Variants in ZNF578 observed in about 807,000 individuals in gnomAD.
ZNF578 encodes zinc finger protein 578.
In ZNF578, 8 loss-of-function variants were observed where a neutral mutation model predicts 8.3. That is an observed-to-expected ratio of 0.96 (90% CI 0.56 to 1.74). ZNF578 has a LOEUF of 1.74. ZNF578 is among the 40% of genes most tolerant of loss of function. The pLI is 0.00. For missense variants in ZNF578, 726 were observed against 707.5 expected (o/e 1.03, Z -0.30); for synonymous variants, 206 against 232.2 (o/e 0.89, Z 1.03).
rs1481567497 is a variant in ZNF578 at position 52,513,371 on chromosome 19, C to G, written c.*1217C>G. On this transcript the variant is annotated 3_prime_UTR_variant, in exon 6 of 6. Transcript: ENST00000421239. ...TTTTTTTTTTTTTTTTGAGATAGTA[C>G]TTTTTAAAGAGATAGTACTTTTTTG... Among the ~76,000 whole-genome samples, 5 of 84,802 alleles carry G rather than the reference C, an allele frequency of 5.9e-5. No individual in the cohort carries two copies. The highest frequency in any genetic ancestry group is 2.1e-4 in the African/African-American group (5 of 24,100). The allele number at this position is 84,802 out of a possible 152,430, so 55.6% of individuals were successfully genotyped here.
chr19:52,512,439 A>G lies in ZNF578; in HGVS notation c.*285A>G, dbSNP rs1030849800. On this transcript the variant is annotated 3_prime_UTR_variant, in exon 6 of 6. Coordinates refer to ENST00000421239, the MANE Select transcript of ZNF578 (RefSeq NM_001099694.2). ...AAGAGAGATCTTCCGAGTGTAATAAATGTGGCAAATTTTTCAGACATCGTT... is the reference window on the plus strand; with the variant it reads ...AAGAGAGATCTTCCGAGTGTAATAAGTGTGGCAAATTTTTCAGACATCGTT... The G allele has an allele frequency of 1.4e-6, 2 of 1,415,734 alleles. No homozygotes were observed. Among genetic ancestry groups the G allele is most frequent in the Non-Finnish European group, 2.0e-6 (2 of 1,008,574 alleles). The allele number at this position is 1,415,734 out of a possible 1,614,324, so 87.7% of individuals were successfully genotyped here.
At chr19:52,504,370 C>T (rs562952324) in intron 4 of ZNF578, among the ~76,000 whole-genome samples, 7 of 152,196 alleles carry the variant, frequency 4.6e-5, no homozygotes, top group Admixed American at 1.3e-4. Context: ...GTATTACAAG[C>T]GTGAACCACC....
chr19:52,492,211 G>A (rs943102508), intron 3 of ZNF578, among the ~76,000 whole-genome samples: 3 of 149,430 alleles, frequency 2.0e-5, no homozygotes, highest in African/African-American at 7.4e-5. Context: ...GACGAGGAAG[G>A]GAGCCCTGTG....
intron 2 of ZNF578, among the ~76,000 whole-genome samples, chr19:52,461,846 G>A (rs1336997309): frequency 1.3e-5 from 2 of 152,100 alleles, no homozygotes; most frequent in East Asian, 1.9e-4. Context: ...CATAGTTCAG[G>A]GTGTTCAGGG....
chr19:52,470,154 C>A (rs2059287629), intron 2 of ZNF578, among the ~76,000 whole-genome samples: 2 of 152,084 alleles, frequency 1.3e-5, no homozygotes, highest in African/African-American at 4.8e-5. Flanking sequence ...GCCTTTGTAC[C>A]TTTTTTCTGA....
At chr19:52,504,327 A>T (rs200890249) in intron 4 of ZNF578, among the ~76,000 whole-genome samples, 25,344 of 151,956 alleles carry the variant, frequency 0.17, 2,602 homozygotes, top group Non-Finnish European at 0.23. Flanking sequence ...TTGAACTCAA[A>T]TAATCTGCCC....
At chr19:52,509,143 C>T (rs192468240) in intron 5 of ZNF578, among the ~76,000 whole-genome samples, 1 of 151,914 alleles carries the variant, frequency 6.6e-6, no homozygotes, top group African/African-American at 2.4e-5. Context: ...ACCTCGTGCT[C>T]CACTTGCCTC....
intron 3 of ZNF578, among the ~76,000 whole-genome samples, chr19:52,498,660 G>A (rs1025550420): frequency 1.7e-4 from 25 of 146,474 alleles, no homozygotes; most frequent in Non-Finnish European, 3.3e-4. Context: ...TGGGATTACA[G>A]GAATGAGCCA....
In ZNF578 at chr19:52,482,094, T is replaced by C. The variant is rs143146975; in HGVS notation, c.-121-9230T>C. ...TGTTGTCCAGGCTGGAGTGCAATGG[T>C]ATGATCTCAGCTCGCCACAACCTCT... On this transcript the variant is annotated intron_variant, in intron 2 of 5. Coordinates refer to ENST00000421239, the MANE Select transcript of ZNF578 (RefSeq NM_001099694.2). Among the ~76,000 whole-genome samples, 159 of 152,268 alleles carry C rather than the reference T, an allele frequency of 1.0e-3. 2 individuals are homozygous for C. The East Asian group carries it at 0.029, about 28-fold the overall frequency.
Position 52,514,010 on chromosome 19 carries a change from G to C in ZNF578, c.*1856G>C, listed in dbSNP as rs1392850358. 1.4e-5 allele frequency among the ~76,000 whole-genome samples: 2 copies of C among 147,272 alleles called. No homozygotes were observed. The highest frequency in any genetic ancestry group is 3.0e-5 in the Non-Finnish European group (2 of 66,814). On this transcript the variant is annotated 3_prime_UTR_variant, in exon 6 of 6. Coordinates refer to ENST00000421239, the MANE Select transcript of ZNF578 (RefSeq NM_001099694.2). ...ACTGTACTGCAGCGAGGTTGGCAGA[G>C]TGAGTCTCCATCTCAAACAAACAAA...
chr19:52,487,759 A>G (rs1047897119), intron 2 of ZNF578, among the ~76,000 whole-genome samples: 2 of 151,616 alleles, frequency 1.3e-5, no homozygotes, highest in African/African-American at 2.4e-5. Context: ...CCTTCTGAGT[A>G]GCTGGGACCA....
At position 52,513,054 on chromosome 19, in the gene ZNF578, C is replaced by G. The variant is rs1185366483; in HGVS notation, c.*900C>G. Among the ~76,000 whole-genome samples, 1 of 152,096 alleles carries G rather than the reference C, an allele frequency of 6.6e-6. No homozygotes were observed. The highest frequency in any genetic ancestry group is 1.5e-5 in the Non-Finnish European group (1 of 68,028). ...TTATTTTTTGAGATGGAGTGTTGCT[C>G]TTGCTGCCCAGGCTAGAGTGCAATG... On this transcript the variant is annotated 3_prime_UTR_variant, in exon 6 of 6. Coordinates refer to ENST00000421239, the MANE Select transcript of ZNF578 (RefSeq NM_001099694.2).
chr19:52,457,707 A>C (rs2059243811), intron 2 of ZNF578: 1 of 152,168 alleles, frequency 6.6e-6, no homozygotes, highest in South Asian at 2.1e-4. Flanking sequence ...AAGTACCCAC[A>C]TACATTTAGT....
chr19:52,476,917 A>G (rs1379872272), intron 2 of ZNF578, among the ~76,000 whole-genome samples: 2 of 152,222 alleles, frequency 1.3e-5, no homozygotes, highest in East Asian at 3.9e-4. Context: ...GGGTTGGGAT[A>G]GATTTCCCAT....
At chr19:52,488,110 C>A (rs371110818) in intron 2 of ZNF578, among the ~76,000 whole-genome samples, 88 of 152,128 alleles carry the variant, frequency 5.8e-4, no homozygotes, top group African/African-American at 2.0e-3. Flanking sequence ...CACCACCCCA[C>A]CCAGCTAATT....
chr19:52,464,709 T>C (rs1599882836), intron 2 of ZNF578, among the ~76,000 whole-genome samples: 1 of 152,190 alleles, frequency 6.6e-6, no homozygotes, highest in African/African-American at 2.4e-5. Context: ...AATCTGGAAA[T>C]TGATCTCTAA....
chr19:52,486,458 C>T (rs1318976508), intron 2 of ZNF578, among the ~76,000 whole-genome samples: 1 of 152,052 alleles, frequency 6.6e-6, no homozygotes, highest in South Asian at 2.1e-4. Context: ...AAGTGAAAAA[C>T]AAAACACAGA....
rs2059463761 is a variant in ZNF578 at position 52,514,311 on chromosome 19, T to C, written c.*2157T>C. On this transcript the variant is annotated 3_prime_UTR_variant, in exon 6 of 6. Transcript: ENST00000421239. Reference sequence around the variant, plus strand: ...GACCCCAAAATTCGTGAGATTTTTTTCCTACAACAATTTCAAAAGAGTTGC... The same window carrying C: ...GACCCCAAAATTCGTGAGATTTTTTCCCTACAACAATTTCAAAAGAGTTGC... Among the ~76,000 whole-genome samples, 1 of 152,232 alleles carries C rather than the reference T, an allele frequency of 6.6e-6. No individual in the cohort carries two copies. The highest frequency in any genetic ancestry group is 1.5e-5 in the Non-Finnish European group (1 of 68,042).
intron 2 of ZNF578, among the ~76,000 whole-genome samples, chr19:52,483,631 G>A (rs549790376): frequency 6.6e-6 from 1 of 152,142 alleles, no homozygotes; most frequent in African/African-American, 2.4e-5. Context: ...TTTATACAAT[G>A]TTTTCTGTGA....
Sources: gnomAD v4.1 joint callset for allele counts (sites outside exome capture counted in the v4.1 genomes callset) on GRCh38, gnomAD v4.1.1 for gene constraint, MANE v1.5 for transcripts, NCBI Gene and HGNC (gene_info 2026-07-23, HGNC 2026-07-21) for gene names.